WDR49: variants seen among roughly 807,000 people sequenced by gnomAD.
The protein encoded by WDR49 is WD repeat domain 49.
A neutral mutation model predicts 119.5 loss-of-function variants in WDR49; 107 were observed. The observed-to-expected ratio is 0.90, with a 90% CI of 0.77 to 1.05. The LOEUF is 1.05. Ranked by LOEUF, WDR49 falls within the 50% of genes least tolerant of loss-of-function variation. The probability of loss-of-function intolerance (pLI) is 0.00; values close to 1 mark genes in which losing one functional copy is unlikely to be tolerated. For missense variants in WDR49, 1,240 were observed against 1,220.5 expected (o/e 1.02, Z -0.24); for synonymous variants, 425 against 418.8 (o/e 1.01, Z -0.18).
At chr3:167,601,682 G>T (rs1476497903) in intron 7 of WDR49, among the ~76,000 whole-genome samples, 2 of 151,916 alleles carry the variant, frequency 1.3e-5, no homozygotes, top group African/African-American at 2.4e-5. Context: ...TTAATTAAAA[G>T]GTTCTTAATG....
At chr3:167,640,781 G>A (rs186167648) in intron 2 of WDR49, among the ~76,000 whole-genome samples, 2 of 151,850 alleles carry the variant, frequency 1.3e-5, no homozygotes, top group East Asian at 3.9e-4. Flanking sequence ...GAGGGAGAGA[G>A]AAGGAAATGG....
At chr3:167,595,566 A>G (rs1408216930) in intron 7 of WDR49, among the ~76,000 whole-genome samples, 2 of 152,236 alleles carry the variant, frequency 1.3e-5, no homozygotes, top group East Asian at 1.9e-4. Flanking sequence ...ATAACATTGC[A>G]TATCTACAAC....
Position 167,527,963 on chromosome 3 carries a change from T to G in WDR49, c.2461A>C (p.Arg821=). ...NKITKAPTLI[R]SFQPHEDRIS... Reference sequence around the variant, plus strand: ...CGGTCCTCATGAGGTTGGAATGATCTTATCAGAGTTGGGGCCTTGGTGATT... The same window carrying G: ...CGGTCCTCATGAGGTTGGAATGATCGTATCAGAGTTGGGGCCTTGGTGATT... The change falls in exon 15 of 19, where the codon AGA becomes CGA. Residue 821 remains arginine, a synonymous_variant. Transcript: ENST00000682715. 6.2e-7 allele frequency: 1 copy of G among 1,613,296 alleles called. No individual in the cohort carries two copies. Among genetic ancestry groups the G allele is most frequent in the South Asian group, 1.1e-5 (1 of 91,054 alleles).
intron 18 of WDR49, among the ~76,000 whole-genome samples, chr3:167,493,676 G>T (rs1045553670): frequency 6.6e-6 from 1 of 152,034 alleles, no homozygotes; most frequent in Non-Finnish European, 1.5e-5. Flanking sequence ...TCTATAATAC[G>T]CATGTATCAA....
At chr3:167,565,080 T>C (rs1245213655) in intron 8 of WDR49, among the ~76,000 whole-genome samples, 1 of 152,148 alleles carries the variant, frequency 6.6e-6, no homozygotes, top group Non-Finnish European at 1.5e-5. Context: ...CTCTAGAAGT[T>C]ACATTTCAGT....
At chr3:167,569,658 C>A (rs6787069) in intron 8 of WDR49, among the ~76,000 whole-genome samples, 43,503 of 148,100 alleles carry the variant, frequency 0.29, 6,724 homozygotes, top group African/African-American at 0.35. Context: ...GATCATGCCA[C>A]TACACTCCAG....
intron 16 of WDR49, among the ~76,000 whole-genome samples, chr3:167,507,551 T>C (rs1751819962): frequency 6.6e-6 from 1 of 152,182 alleles, no homozygotes; most frequent in Admixed American, 6.5e-5. Flanking sequence ...GTGCAAAAGA[T>C]TGAGGGGGCA....
chr3:167,494,963 G>A (rs369698572), intron 18 of WDR49, among the ~76,000 whole-genome samples: 6 of 152,082 alleles, frequency 3.9e-5, no homozygotes, highest in African/African-American at 4.8e-5. Context: ...GCACTGACCC[G>A]GCTCAAGTAC....
chr3:167,521,571 C>T (rs1041481213), intron 16 of WDR49, among the ~76,000 whole-genome samples: 1 of 152,120 alleles, frequency 6.6e-6, no homozygotes, highest in African/African-American at 2.4e-5. Flanking sequence ...ATTTTCTTGT[C>T]AGCTCTGAGT....
upstream of WDR49, among the ~76,000 whole-genome samples, chr3:167,655,800 AG>A (rs1718585755): frequency 6.6e-6 from 1 of 152,124 alleles, no homozygotes; most frequent in Non-Finnish European, 1.5e-5. Flanking sequence ...TGGGAGGCTG[AG>A]GCAGGAGAAT....
At chr3:167,603,087 C>A (rs574214121) in intron 6 of WDR49, among the ~76,000 whole-genome samples, 63 of 152,222 alleles carry the variant, frequency 4.1e-4, no homozygotes, top group African/African-American at 1.5e-3. Context: ...AAAAAAGCAG[C>A]ACAAATATAC....
At chr3:167,569,242 T>G (rs563901808) in intron 8 of WDR49, among the ~76,000 whole-genome samples, 1 of 152,256 alleles carries the variant, frequency 6.6e-6, no homozygotes, top group African/African-American at 2.4e-5. Context: ...GCACCCAGCC[T>G]GTATTACAGT....
At position 167,643,754 on chromosome 3, in the gene WDR49, C is replaced by A. The variant is rs188010305; in HGVS notation, c.165+9507G>T. On this transcript the variant is annotated intron_variant, in intron 2 of 18. Coordinates refer to ENST00000682715, the MANE Select transcript of WDR49 (RefSeq NM_001366157.1). Reference sequence around the variant, plus strand: ...ACACAGGGTAGACATTCAATAAATACCTGTTGTAAGAATGAGTAAATGATA... The same window carrying A: ...ACACAGGGTAGACATTCAATAAATAACTGTTGTAAGAATGAGTAAATGATA... Among the ~76,000 whole-genome samples, 266 of 151,972 alleles carry A rather than the reference C, an allele frequency of 1.8e-3. 1 individual carries two copies. The highest frequency in any genetic ancestry group is 6.1e-3 in the African/African-American group (251 of 41,480).
intron 14 of WDR49, 70 bp downstream of exon 14, chr3:167,528,982 A>T: frequency 7.6e-7 from 1 of 1,320,646 alleles, no homozygotes; most frequent in Admixed American, 2.7e-5. Flanking sequence ...ACAAGGCTTG[A>T]TTCATAGTTA....
intron 7 of WDR49, among the ~76,000 whole-genome samples, chr3:167,583,605 T>C (rs537560387): frequency 6.6e-6 from 1 of 152,144 alleles, no homozygotes; most frequent in South Asian, 2.1e-4. Context: ...AGTATTTCCA[T>C]GGGTCCAAAA....
At chr3:167,490,285 C>T (rs1284148157) in intron 18 of WDR49, among the ~76,000 whole-genome samples, 25 of 151,978 alleles carry the variant, frequency 1.6e-4, no homozygotes, top group Admixed American at 1.5e-3. Flanking sequence ...GTTTTATAGA[C>T]CCAAAATTTT....
chr3:167,568,143 T>TA (rs1435899345), intron 8 of WDR49, among the ~76,000 whole-genome samples: 1 of 152,230 alleles, frequency 6.6e-6, no homozygotes, highest in African/African-American at 2.4e-5. Flanking sequence ...TTCATCTGCT[T>TA]AAAAAATTTG....
chr3:167,624,462 T>TA (rs1187059262), intron 3 of WDR49, among the ~76,000 whole-genome samples: 1 of 151,980 alleles, frequency 6.6e-6, no homozygotes, highest in Non-Finnish European at 1.5e-5. Context: ...TTGCTTAACA[T>TA]AAAAAGGGAT....
chr3:167,597,538 G>A (rs1012255871), intron 7 of WDR49, among the ~76,000 whole-genome samples: 3 of 152,096 alleles, frequency 2.0e-5, no homozygotes, highest in African/African-American at 7.2e-5. Flanking sequence ...CTCCAGAAGG[G>A]TGGATCCACC....
Sources: gnomAD v4.1 joint callset for allele counts (sites outside exome capture counted in the v4.1 genomes callset) on GRCh38, gnomAD v4.1.1 for gene constraint, MANE v1.5 for transcripts, NCBI Gene and HGNC (gene_info 2026-07-23, HGNC 2026-07-21) for gene names.